The following NOTCH2 variants were observed in gnomAD, a reference collection of about 807,000 sequenced individuals.
The protein encoded by NOTCH2 is notch receptor 2, also known as neurogenic locus notch homolog protein 2.
In NOTCH2, 29 loss-of-function variants were observed where a neutral mutation model predicts 235.8. That is an observed-to-expected ratio of 0.12 (90% CI 0.09 to 0.17). The LOEUF is 0.17. Among genes scored for constraint, NOTCH2 ranks in the 10% least tolerant of loss-of-function variants. The pLI, the probability that NOTCH2 is intolerant of heterozygous loss-of-function variation, is 1.00. For missense variants in NOTCH2, 2,285 were observed against 3,150.2 expected (o/e 0.73, Z 6.57); for synonymous variants, 1,086 against 1,141.5 (o/e 0.95, Z 0.98).
intron 5 of NOTCH2, among the ~76,000 whole-genome samples, chr1:119,978,580 C>A (rs1290771728): frequency 6.6e-6 from 1 of 152,234 alleles, no homozygotes; most frequent in Non-Finnish European, 1.5e-5. Flanking sequence ...GAGGCAGCAG[C>A]ACTGAAAAGC....
At chr1:120,037,211 CTAAAAT>C (rs1654342817) in intron 1 of NOTCH2, among the ~76,000 whole-genome samples, 1 of 151,806 alleles carries the variant, frequency 6.6e-6, no homozygotes, top group Admixed American at 6.6e-5. Flanking sequence ...TCTGAGGCTC[CTAAAAT>C]ACATGAAGAG....
intron 17 of NOTCH2, 65 bp downstream of exon 17, chr1:119,948,349 C>T (rs1650335899): frequency 6.3e-7 from 1 of 1,594,244 alleles, no homozygotes; most frequent in Admixed American, 1.7e-5. Flanking sequence ...CTCCACTGGG[C>T]TCTCCTCTGC....
In NOTCH2 at chr1:119,913,139, A is replaced by C. The variant is rs1021923242; in HGVS notation, c.*2167T>G. The C allele has an allele frequency of 4.3e-6, 1 of 233,236 alleles. No individual in the cohort carries two copies. The highest frequency in any genetic ancestry group is 2.2e-5 in the African/African-American group (1 of 45,362). The allele number at this position is 233,236 out of a possible 1,614,324, so 14.4% of individuals were successfully genotyped here. ...ATAATAAATGGGTCCAAGGGCAGAG[A>C]GTCACCATTTAGAATGATAAAATGT... On this transcript the variant is annotated 3_prime_UTR_variant, in exon 34 of 34. Transcript: ENST00000256646.
In NOTCH2 at chr1:119,925,671, G is replaced by T. The variant is rs1418033447; in HGVS notation, c.4145C>A (p.Pro1382His). Reference sequence around the variant, plus strand: ...GTGGCAGCTGCCCCCGTGCTGGCAGGGGCTACTGGCACAGCCTGACTCGCA... The same window carrying T: ...GTGGCAGCTGCCCCCGTGCTGGCAGTGGCTACTGGCACAGCCTGACTCGCA... Reference protein sequence around the residue: ...RDCESGCASSPCQHGGSCHPQ... With the variant: ...RDCESGCASSHCQHGGSCHPQ... Residue 1382 changes from proline to histidine, a missense_variant, in exon 25 of 34, where the codon CCC becomes CAC. This residue lies in a region of NOTCH2 where 1,173 missense variants were observed against 1,515.3 expected (regional missense o/e 0.77). Coordinates refer to ENST00000256646, the MANE Select transcript of NOTCH2 (RefSeq NM_024408.4). The T allele has an allele frequency of 1.9e-6, 3 of 1,612,332 alleles. No homozygotes were observed. The highest frequency in any genetic ancestry group is 1.7e-5 in the Admixed American group (1 of 59,978).
rs779216906 is a variant in NOTCH2, at chr1:119,913,774, G to A, written c.*1532C>T. On this transcript the variant is annotated 3_prime_UTR_variant, in exon 34 of 34. Transcript: ENST00000256646. Reference sequence around the variant, plus strand: ...GGAAAATGTTCTGTTGAGTTTCTACGTTAGTTGCCAAAGGGAATGTCATGG... The same window carrying A: ...GGAAAATGTTCTGTTGAGTTTCTACATTAGTTGCCAAAGGGAATGTCATGG... 2.6e-5 allele frequency: 6 copies of A among 230,958 alleles called. No homozygotes were observed. The highest frequency in any genetic ancestry group is 6.1e-5 in the East Asian group (1 of 16,438). 14.3% of individuals were successfully genotyped at this position (230,958 alleles called of 1,614,324 possible). A position where few individuals can be genotyped will look rare whatever the true frequency, so the allele number is the denominator to read the frequency against.
At position 119,921,764 on chromosome 1, in the gene NOTCH2, T is replaced by G. The variant is rs1649291287; in HGVS notation, c.5259A>C (p.Gly1753=). 2.5e-6 allele frequency: 4 copies of G among 1,614,200 alleles called. No individual in the cohort carries two copies. The highest frequency in any genetic ancestry group is 1.3e-5 in the African/African-American group (1 of 75,054). The stretch of plus-strand genomic sequence containing the variant: ...CATCATCGACCCAGTGTTCACTTGT[T>G]CCAGTACCAATTAGGTTAGCTTCTG... ...QVSEANLIGT[G]TSEHWVDDEG... The change falls in exon 29 of 34, where the codon GGA becomes GGC. Residue 1753 remains glycine (G), a synonymous_variant. Transcript: ENST00000256646.
At chr1:119,949,942 T>C (rs1416171748) in intron 15 of NOTCH2, among the ~76,000 whole-genome samples, 1 of 151,916 alleles carries the variant, frequency 6.6e-6, no homozygotes, top group Admixed American at 6.6e-5. Flanking sequence ...GAAGAGGAGA[T>C]AAACAAGCCA....
chr1:119,973,595 T>A (rs1193279944), intron 5 of NOTCH2, among the ~76,000 whole-genome samples: 23 of 152,106 alleles, frequency 1.5e-4, no homozygotes, highest in Non-Finnish European at 1.5e-5. Flanking sequence ...ATCAACACAA[T>A]CTACAGATGA....
Position 119,921,873 on chromosome 1 carries a change from C to T in NOTCH2, c.5214-64G>A. Reference sequence around the variant, plus strand: ...CATAAACTAATACAGTGGTTTTCAACACTTTCCACCATGACACACTCCCGT... The same window carrying T: ...CATAAACTAATACAGTGGTTTTCAATACTTTCCACCATGACACACTCCCGT... On this transcript the variant is annotated intron_variant, in intron 28 of 33. Transcript: ENST00000256646. The T allele has an allele frequency of 7.6e-6, 10 of 1,317,680 alleles. No homozygotes were observed. The South Asian group carries it at 1.2e-4, about 16-fold the overall frequency. The allele number at this position is 1,317,680 out of a possible 1,614,324, so 81.6% of individuals were successfully genotyped here.
At chr1:119,924,044 G>T in intron 25 of NOTCH2, 60 bp from the exon 26 acceptor site, 1 of 1,414,242 alleles carries the variant, frequency 7.1e-7, no homozygotes, top group African/African-American at 1.4e-5. Flanking sequence ...AGCTCTATTT[G>T]CTTTTTCATT....
intron 12 of NOTCH2, among the ~76,000 whole-genome samples, chr1:119,955,775 C>T (rs587725708): frequency 7.2e-5 from 11 of 152,150 alleles, no homozygotes; most frequent in African/African-American, 2.7e-4. Context: ...GTCTATTAAT[C>T]CATTTTTTTT....
intron 25 of NOTCH2, among the ~76,000 whole-genome samples, chr1:119,924,547 T>C (rs1327678704): frequency 1.3e-5 from 2 of 152,206 alleles, no homozygotes; most frequent in East Asian, 3.8e-4. Flanking sequence ...TCTTTCAATA[T>C]TTGGAAAAGG....
rs750420602 is a variant in NOTCH2, at chr1:119,919,550, T to C, written c.5543A>G (p.Asp1848Gly). Reference protein sequence around the residue: ...RGGSSDLSDEDEDAEDSSANI... With the variant: ...RGGSSDLSDEGEDAEDSSANI... ...AGCAGAAGAGTCCTCTGCATCTTCATCTTCATCACTCAAATCTGAGCTGCC... is the reference window on the plus strand; with the variant it reads ...AGCAGAAGAGTCCTCTGCATCTTCACCTTCATCACTCAAATCTGAGCTGCC... The change falls in exon 31 of 34, where the codon GAT (aspartate) becomes GGT (glycine). Residue 1848 changes from aspartate to glycine, a missense_variant. By Grantham distance (94) the Asp-to-Gly change is moderately conservative. Coordinates refer to ENST00000256646, the MANE Select transcript of NOTCH2 (RefSeq NM_024408.4). The C allele has an allele frequency of 1.2e-6, 2 of 1,614,160 alleles. No homozygotes were observed. Among genetic ancestry groups the C allele is most frequent in the South Asian group, 1.1e-5 (1 of 91,078 alleles).
intron 1 of NOTCH2, among the ~76,000 whole-genome samples, chr1:120,051,228 A>ACAC (rs1654975508): frequency 1.2e-5 from 1 of 80,520 alleles, no homozygotes; most frequent in Admixed American, 1.1e-4. Flanking sequence ...TCCTCCTCCC[A>ACAC]ACACACACAC....
intron 11 of NOTCH2, among the ~76,000 whole-genome samples, chr1:119,963,150 G>GGAAGGGAA (rs1445562572): frequency 1.4e-5 from 2 of 139,392 alleles, no homozygotes; most frequent in African/African-American, 2.7e-5. Flanking sequence ...ATACATTAAA[G>GGAAGGGAA]GAAGGGAAGA....
chr1:119,972,520 C>T (rs1360776108), intron 5 of NOTCH2, among the ~76,000 whole-genome samples: 1 of 152,104 alleles, frequency 6.6e-6, no homozygotes, highest in African/African-American at 2.4e-5. Context: ...TACTATAAGA[C>T]ACAATGTGTT....
chr1:119,983,545 AG>A (rs754722988), intron 5 of NOTCH2, among the ~76,000 whole-genome samples: 20 of 152,256 alleles, frequency 1.3e-4, no homozygotes, highest in Non-Finnish European at 2.2e-4. Flanking sequence ...AGATGAAACC[AG>A]GGGCCACCAT....
At chr1:120,041,059 A>C (rs1478619957) in intron 1 of NOTCH2, among the ~76,000 whole-genome samples, 1 of 111,818 alleles carries the variant, frequency 8.9e-6, no homozygotes, top group Non-Finnish European at 1.6e-5. Context: ...AAAAAAAAAA[A>C]AAAAAAAAAA....
At chr1:119,970,831 C>T (rs1651333630) in intron 5 of NOTCH2, among the ~76,000 whole-genome samples, 1 of 152,186 alleles carries the variant, frequency 6.6e-6, no homozygotes, top group African/African-American at 2.4e-5. Context: ...TCCGAATTCT[C>T]TAAAACATGA....
Sources: allele counts gnomAD v4.1 joint callset (sites outside exome capture counted in the v4.1 genomes callset), GRCh38; gene constraint gnomAD v4.1.1; regional missense constraint gnomAD v4.1.1; transcripts MANE v1.5; gene names NCBI Gene and HGNC (gene_info 2026-07-23, HGNC 2026-07-21).